The following PSD3 variants were observed in gnomAD, a reference collection of about 807,000 sequenced individuals.
PSD3 encodes the protein PH and SEC7 domain-containing protein 3.
PSD3 carries 49 observed loss-of-function variants against 105.5 expected under a neutral mutation model. That is an observed-to-expected ratio of 0.46 (90% confidence interval 0.37 to 0.59). The LOEUF (loss-of-function observed/expected upper bound fraction) is 0.59, where lower values mean the gene tolerates loss of function less well. Among genes scored for constraint, PSD3 ranks in the 20% least tolerant of loss-of-function variants. The pLI is 0.00. For synonymous variants in PSD3, 557 were observed against 457.8 expected (o/e 1.22, Z -2.77); for missense variants, 1,561 against 1,263.8 (o/e 1.24, Z -3.57).
chr8:19,067,364 G>C lies in PSD3; in HGVS notation c.324+16842C>G, dbSNP rs574336033. Among the ~76,000 whole-genome samples the C allele has an allele frequency of 4.5e-4, 68 of 152,232 alleles. 2 individuals carry two copies. The East Asian group carries it at 0.01, about 23-fold the overall frequency. ...GAAATTCAAGCATCACCTCATCCAA[G>C]GCTTCATTTGAGGGATAAGAAAATG... On this transcript the variant is annotated intron_variant, in intron 1 of 1. Transcript: ENST00000521475.
intron 12 of PSD3, among the ~76,000 whole-genome samples, chr8:18,586,973 C>T (rs1275440064): frequency 6.6e-6 from 1 of 152,218 alleles, no homozygotes; most frequent in Non-Finnish European, 1.5e-5. Context: ...CCATCTCTGG[C>T]AAAGCCCCTG....
intron 1 of PSD3, among the ~76,000 whole-genome samples, chr8:19,072,042 C>A (rs4921624): frequency 2.0e-4 from 31 of 151,838 alleles, no homozygotes; most frequent in East Asian, 7.8e-4. Context: ...TTAGAGGACC[C>A]TGATGCACAT....
At chr8:18,718,930 C>G (rs1802771780) in intron 9 of PSD3, among the ~76,000 whole-genome samples, 1 of 152,176 alleles carries the variant, frequency 6.6e-6, no homozygotes, top group African/African-American at 2.4e-5. Context: ...AAAGACATCA[C>G]AGACCTTCAG....
rs541690683 is a variant in PSD3, at chr8:18,882,637, A to G, written c.131-9904T>C. 3.9e-5 allele frequency among the ~76,000 whole-genome samples: 6 copies of G among 152,264 alleles called. No individual in the cohort carries two copies. The South Asian group carries it at 8.3e-4, about 21-fold the overall frequency. ...GATACCATTAAGTATAAATTTCTCA[A>G]TGGATTTCTCTCTAACACTGTGTTG... is the stretch of plus-strand genomic sequence containing the variant. On this transcript the variant is annotated intron_variant, in intron 2 of 15. Transcript: ENST00000327040.
intron 2 of PSD3, among the ~76,000 whole-genome samples, chr8:18,878,403 C>T (rs568733531): frequency 7.9e-5 from 12 of 152,188 alleles, no homozygotes; most frequent in Admixed American, 2.0e-4. Context: ...TTTACAATCC[C>T]AATCCATCTT....
At chr8:18,708,616 A>G (rs1228883752) in intron 9 of PSD3, among the ~76,000 whole-genome samples, 2 of 152,156 alleles carry the variant, frequency 1.3e-5, no homozygotes, top group East Asian at 3.9e-4. Context: ...CCAGTACATA[A>G]AAGATGCAAA....
chr8:18,665,402 C>G (rs1335868651), intron 9 of PSD3, among the ~76,000 whole-genome samples: 1 of 152,146 alleles, frequency 6.6e-6, no homozygotes, highest in Non-Finnish European at 1.5e-5. Context: ...TAGAATTAGA[C>G]GTGGAGCCTA....
intron 1 of PSD3, among the ~76,000 whole-genome samples, chr8:18,941,741 T>G (rs1163909021): frequency 1.3e-5 from 2 of 150,150 alleles, no homozygotes; most frequent in Admixed American, 1.3e-4. Context: ...GGTACAATCT[T>G]GGCTCACTGC....
chr8:18,920,851 A>G (rs550555678), intron 2 of PSD3, among the ~76,000 whole-genome samples: 8 of 152,148 alleles, frequency 5.3e-5, no homozygotes, highest in African/African-American at 1.9e-4. Context: ...AAATATACCC[A>G]ACCATTCAAC....
chr8:18,682,123 TG>T (rs956344114), intron 9 of PSD3, among the ~76,000 whole-genome samples: 1 of 152,208 alleles, frequency 6.6e-6, no homozygotes, highest in African/African-American at 2.4e-5. Flanking sequence ...GTATCTATGC[TG>T]GATTCCAACA....
At chr8:19,002,170 G>A (rs953720672) in intron 1 of PSD3, among the ~76,000 whole-genome samples, 2 of 151,998 alleles carry the variant, frequency 1.3e-5, no homozygotes, top group Non-Finnish European at 2.9e-5. Flanking sequence ...TAAAGCTGTT[G>A]GCCAGAAAGT....
rs1010323164 is a variant in PSD3 at position 18,730,635 on chromosome 8, C to T, written c.2172+34814G>A. Reference sequence around the variant, plus strand: ...CACTTTCTATGTGCCAGATACTGTACGCTATACACTGTTTACACATATTTT... The same window carrying T: ...CACTTTCTATGTGCCAGATACTGTATGCTATACACTGTTTACACATATTTT... On this transcript the variant is annotated intron_variant, in intron 9 of 15. Coordinates refer to ENST00000327040, the MANE Select transcript of PSD3 (RefSeq NM_015310.4). Among the ~76,000 whole-genome samples the T allele has an allele frequency of 4.6e-5, 7 of 152,180 alleles. No individual in the cohort carries two copies. In the South Asian group the frequency reaches 1.2e-3, roughly 27 times the overall value.
intron 12 of PSD3, among the ~76,000 whole-genome samples, chr8:18,593,430 T>C (rs527923566): frequency 7.9e-5 from 12 of 152,262 alleles, no homozygotes; most frequent in African/African-American, 2.6e-4. Flanking sequence ...TGAGATATCA[T>C]CTCACACCAG....
At chr8:18,889,802 AGAACAAAATTTTGGGAG>A (rs1342181104) in intron 2 of PSD3, among the ~76,000 whole-genome samples, 1 of 152,224 alleles carries the variant, frequency 6.6e-6, no homozygotes, top group Non-Finnish European at 1.5e-5. Flanking sequence ...TACAAATTTT[AGAACAAAATTTTGGGAG>A]GAACAAATGA....
chr8:18,752,517 GT>G (rs1563225051), intron 9 of PSD3, among the ~76,000 whole-genome samples: 839 of 50,704 alleles, frequency 0.017, 38 homozygotes, highest in African/African-American at 0.085. Context: ...TATAATATAT[GT>G]AATATATATA....
chr8:19,084,470 G>A (rs1829745382), exon 1 of PSD3: 3 of 453,562 alleles, frequency 6.6e-6, no homozygotes, highest in African/African-American at 2.0e-5. Flanking sequence ...GATCCTGGGT[G>A]GCAGAAGTGA....
intron 11 of PSD3, among the ~76,000 whole-genome samples, chr8:18,615,790 G>C (rs1182368577): frequency 6.6e-6 from 1 of 152,196 alleles, no homozygotes; most frequent in African/African-American, 2.4e-5. Context: ...CAGCAAATCA[G>C]GTTTCCTCAA....
chr8:18,763,036 C>G, intron 9 of PSD3: 2 of 567,008 alleles, frequency 3.5e-6, no homozygotes, highest in Non-Finnish European at 6.1e-6. Context: ...CTAGTAAACA[C>G]ACAGCAGACC....
intron 15 of PSD3, among the ~76,000 whole-genome samples, chr8:18,548,133 C>T (rs1207749377): frequency 6.6e-6 from 1 of 152,112 alleles, no homozygotes; most frequent in Non-Finnish European, 1.5e-5. Context: ...TCAGTATATG[C>T]TTCAGCTCCA....
Sources: allele counts gnomAD v4.1 joint callset (sites outside exome capture counted in the v4.1 genomes callset), GRCh38; gene constraint gnomAD v4.1.1; transcripts MANE v1.5; gene names NCBI Gene and HGNC (gene_info 2026-07-23, HGNC 2026-07-21).